Variants in MYEF2 observed in about 807,000 individuals in gnomAD.
MYEF2 encodes the protein myelin gene expression factor 2.
Under a neutral mutation model 75.2 loss-of-function variants are expected in MYEF2, and 37 were observed. The observed-to-expected ratio is 0.49, with a 90% CI of 0.38 to 0.65. The LOEUF (loss-of-function observed/expected upper bound fraction) is 0.65, where lower values mean the gene tolerates loss of function less well. Among genes scored for constraint, MYEF2 ranks in the 30% least tolerant of loss-of-function variants. MYEF2 has a pLI of 0.00. For synonymous variants in MYEF2, 195 were observed against 241.6 expected, an observed-to-expected ratio of 0.81 and a Z score of 1.79; for missense variants, 634 against 771.4, an observed-to-expected ratio of 0.82 and a Z score of 2.11.
At chr15:48,177,689 A>G (rs936447032) in intron 1 of MYEF2, among the ~76,000 whole-genome samples, 1 of 152,162 alleles carries the variant, frequency 6.6e-6, no homozygotes, top group Non-Finnish European at 1.5e-5. Flanking sequence ...TCATCCCTAG[A>G]TACTCCCTAG....
rs1167643956 is a variant in MYEF2 at position 48,136,585 on chromosome 15, C to A, written c.*6323G>T. 1.1e-4 allele frequency: 127 copies of A among 1,158,032 alleles called. No homozygotes were observed. The highest frequency in any genetic ancestry group is 2.4e-5 in the East Asian group (1 of 41,726). The allele number at this position is 1,158,032 out of a possible 1,614,324, so 71.7% of individuals were successfully genotyped here. ...GAAATGTTTGATTGTTCTATGGCTA[C>A]TTTTGTTAGAAAATCATTCAATAGA... On this transcript the variant is annotated 3_prime_UTR_variant, in exon 17 of 17. Transcript: ENST00000324324.
Position 48,149,538 on chromosome 15 carries a change from T to C in MYEF2, c.1379-167A>G. The stretch of plus-strand genomic sequence containing the variant: ...ATTAAATAATATAAAAACATAAAAT[T>C]ATTTTCATACAGATAACAACTTTCC... On this transcript the variant is annotated intron_variant, in intron 14 of 16. Transcript: ENST00000324324. The surrounding 1 kb of genome is among the most constrained non-coding windows in gnomAD (Gnocchi z 4.0). 2 of 454,268 alleles carry C rather than the reference T, an allele frequency of 4.4e-6. No homozygotes were observed. Among genetic ancestry groups the C allele is most frequent in the Non-Finnish European group, 7.4e-6 (2 of 268,532 alleles). 28.1% of individuals were successfully genotyped at this position (454,268 alleles called of 1,614,324 possible). A position where few individuals can be genotyped will look rare whatever the true frequency, so the allele number is the denominator to read the frequency against.
At chr15:48,176,043 A>G (rs1194174896) in intron 1 of MYEF2, among the ~76,000 whole-genome samples, 2 of 152,124 alleles carry the variant, frequency 1.3e-5, no homozygotes, top group African/African-American at 4.8e-5. Flanking sequence ...AGCAAATATT[A>G]TTTCAATCCT....
At chr15:48,150,533 C>CCTA (rs2039452486) in intron 14 of MYEF2, among the ~76,000 whole-genome samples, 1 of 151,738 alleles carries the variant, frequency 6.6e-6, no homozygotes, top group African/African-American at 2.4e-5. Context: ...TAATATAAGG[C>CCTA]CTAAAAGGTA....
At chr15:48,155,462 G>A (rs1426226463) in intron 9 of MYEF2, among the ~76,000 whole-genome samples, 1 of 151,970 alleles carries the variant, frequency 6.6e-6, no homozygotes, top group East Asian at 1.9e-4. Context: ...AAGATAATAA[G>A]ATAAACAGTG....
Position 48,134,677 on chromosome 15 carries a change from C to T in MYEF2, c.*8231G>A. ...AATCAGTAGAAAAACAACATGTATT[C>T]AATTTAATGTTAATCCACAAATAGC... On this transcript the variant is annotated 3_prime_UTR_variant, in exon 17 of 17. Transcript: ENST00000324324. 1 of 725,390 alleles carries T rather than the reference C, an allele frequency of 1.4e-6. No individual in the cohort carries two copies. The highest frequency in any genetic ancestry group is 2.3e-6 in the Non-Finnish European group (1 of 442,198). The allele number at this position is 725,390 out of a possible 1,614,324, so 44.9% of individuals were successfully genotyped here.
chr15:48,168,849 A>C lies in MYEF2; in HGVS notation c.162-10T>G. ...TGATTCATCATTCTCCCTGTGAATTAAAAAAAGTCAAACAAACAAAAACCC... is the reference window on the plus strand; with the variant it reads ...TGATTCATCATTCTCCCTGTGAATTCAAAAAAGTCAAACAAACAAAAACCC... On this transcript the variant is annotated splice_polypyrimidine_tract_variant and intron_variant, in intron 1 of 16. Coordinates refer to ENST00000324324, the MANE Select transcript of MYEF2 (RefSeq NM_016132.5). 1.3e-6 allele frequency: 2 copies of C among 1,592,834 alleles called. No individual in the cohort carries two copies. The highest frequency in any genetic ancestry group is 1.7e-6 in the Non-Finnish European group (2 of 1,165,328).
chr15:48,138,313 C>T lies in MYEF2; in HGVS notation c.*4595G>A, dbSNP rs59944938. ...TTTTATCCAATATATTATCATTATC[C>T]TTCTACTAAATTAAATTGAATAAAG... On this transcript the variant is annotated 3_prime_UTR_variant, in exon 17 of 17. Transcript: ENST00000324324. The T allele has an allele frequency of 4.0e-4, 60 of 151,820 alleles. No homozygotes were observed. The highest frequency in any genetic ancestry group is 1.4e-3 in the African/African-American group (56 of 41,422). 9.4% of individuals were successfully genotyped at this position (151,820 alleles called of 1,614,324 possible). A position where few individuals can be genotyped will look rare whatever the true frequency, so the allele number is the denominator to read the frequency against.
In MYEF2 at chr15:48,159,681, T is replaced by G. The variant is rs151074387; in HGVS notation, c.649A>C (p.Asn217His). ...NLPPSILNNP[N>H]IPPEVISNLQ... ...TTACTGATGACTTCAGGAGGAATGT[T>G]TGGATTATTGAGTATGGAAGGTGGT... The change falls in exon 6 of 17, where the codon AAC (asparagine) becomes CAC (histidine). Residue 217 changes from asparagine (N) to histidine (H), a missense_variant. Asn to His is a moderately conservative substitution (Grantham distance 68). Coordinates refer to ENST00000324324, the MANE Select transcript of MYEF2 (RefSeq NM_016132.5). 56 of 1,613,764 alleles carry G rather than the reference T, an allele frequency of 3.5e-5. No homozygotes were observed. The African/African-American group carries it at 7.5e-4, about 22-fold the overall frequency.
chr15:48,151,771 T>C, intron 12 of MYEF2, 103 bp downstream of exon 12: 1 of 1,388,692 alleles, frequency 7.2e-7, no homozygotes, highest in Non-Finnish European at 1.0e-6. Flanking sequence ...CTATATGCCT[T>C]CTGAAGACAT....
At chr15:48,144,054 A>G (rs915768114) in intron 16 of MYEF2, among the ~76,000 whole-genome samples, 6 of 152,040 alleles carry the variant, frequency 3.9e-5, no homozygotes, top group Non-Finnish European at 7.4e-5. Context: ...CTAGATGTAC[A>G]TGTCAAAACA....
Position 48,166,034 on chromosome 15 carries a change from G to C in MYEF2, c.432-8C>G, listed in dbSNP as rs2040120660. 1.5e-5 allele frequency: 24 copies of C among 1,576,738 alleles called. No homozygotes were observed. Among genetic ancestry groups the C allele is most frequent in the Non-Finnish European group, 2.1e-5 (24 of 1,160,596 alleles). ...TCTTTGAATTCAACCACACTTAATA[G>C]GGAAAAAATTTATAGGAAATGTTTA... On this transcript the variant is annotated splice_polypyrimidine_tract_variant and splice_region_variant and intron_variant, in intron 4 of 16. Transcript: ENST00000324324.
rs2040124960 is a variant in MYEF2, at chr15:48,166,143, AT to A, written c.424-16del. Reference sequence around the variant, plus strand: ...TACCCACAACCCTATATCCAGGTAGATTTGTCAAAATATGCAAAAGAAAAAA... The same window carrying A: ...TACCCACAACCCTATATCCAGGTAGATTGTCAAAATATGCAAAAGAAAAAA... On this transcript the variant is annotated splice_polypyrimidine_tract_variant and intron_variant, in intron 3 of 16. Coordinates refer to ENST00000324324, the MANE Select transcript of MYEF2 (RefSeq NM_016132.5). 1 of 1,560,180 alleles carries A rather than the reference AT, an allele frequency of 6.4e-7. No homozygotes were observed. The highest frequency in any genetic ancestry group is 8.7e-7 in the Non-Finnish European group (1 of 1,145,162).
At chr15:48,143,402 A>G (rs988453854) in intron 16 of MYEF2, among the ~76,000 whole-genome samples, 1 of 152,104 alleles carries the variant, frequency 6.6e-6, no homozygotes, top group Non-Finnish European at 1.5e-5. Context: ...ACCATGCCCT[A>G]TAACAAACTT....
chr15:48,176,295 ATCT>A (rs944572699), intron 1 of MYEF2, among the ~76,000 whole-genome samples: 9 of 151,974 alleles, frequency 5.9e-5, no homozygotes, highest in East Asian at 1.9e-4. Flanking sequence ...ACCATCACAA[ATCT>A]TCTTATGGAA....
rs931742243 is a variant in MYEF2, at chr15:48,153,888, G to A, written c.991C>T (p.Leu331Phe). ...DGKTPQLPRG[L>F]GGIGMGLGPG... Reference sequence around the variant, plus strand: ...CCAAGTCCCATCCCAATGCCTCCAAGACCACCTAAAACAAAAATGAGAACA... The same window carrying A: ...CCAAGTCCCATCCCAATGCCTCCAAAACCACCTAAAACAAAAATGAGAACA... The change falls in exon 10 of 17, where the codon CTT (leucine) becomes TTT (phenylalanine). Residue 331 changes from leucine (L) to phenylalanine (F), a missense_variant. Transcript: ENST00000324324. 1 of 1,611,742 alleles carries A rather than the reference G, an allele frequency of 6.2e-7. No individual in the cohort carries two copies. The highest frequency in any genetic ancestry group is 8.5e-7 in the Non-Finnish European group (1 of 1,178,722).
intron 8 of MYEF2, 50 bp downstream of exon 8, chr15:48,158,125 A>C (rs2039775947): frequency 6.2e-7 from 1 of 1,611,422 alleles, no homozygotes; most frequent in Non-Finnish European, 8.5e-7. Context: ...GAAGAGAGCC[A>C]ATAAAAGATC....
intron 1 of MYEF2, among the ~76,000 whole-genome samples, chr15:48,176,159 T>C (rs1005039860): frequency 6.7e-5 from 10 of 150,202 alleles, no homozygotes; most frequent in African/African-American, 2.5e-4. Context: ...TAAAAGTATA[T>C]GGTAATCAAC....
At chr15:48,150,311 G>C (rs2039444584) in intron 14 of MYEF2, among the ~76,000 whole-genome samples, 1 of 152,022 alleles carries the variant, frequency 6.6e-6, no homozygotes, top group Admixed American at 6.6e-5. Flanking sequence ...ATGATGGAAG[G>C]AGGAATAAAA....
Sources: allele counts gnomAD v4.1 joint callset (sites outside exome capture counted in the v4.1 genomes callset), GRCh38; gene constraint gnomAD v4.1.1; non-coding constraint Gnocchi (gnomAD v3.1); transcripts MANE v1.5; gene names NCBI Gene and HGNC (gene_info 2026-07-23, HGNC 2026-07-21).